Variants in ANKFN1 observed in about 807,000 individuals in gnomAD.
ANKFN1 encodes the protein ankyrin repeat and fibronectin type-III domain-containing protein 1.
A neutral mutation model predicts 108.7 loss-of-function variants in ANKFN1; 74 were observed. The ratio of observed to expected loss-of-function variants is 0.68; its 90% CI spans 0.56 to 0.83. The LOEUF (loss-of-function observed/expected upper bound fraction) is 0.83, where lower values mean the gene tolerates loss of function less well. Ranked by LOEUF, ANKFN1 falls within the 40% of genes least tolerant of loss-of-function variation. The pLI, the probability that ANKFN1 is intolerant of heterozygous loss-of-function variation, is 0.00. For missense variants in ANKFN1, 1,505 were observed against 1,382.3 expected (o/e 1.09, Z -1.41); for synonymous variants, 547 against 516.2 (o/e 1.06, Z -0.81).
At chr17:56,270,755 G>T (rs1210236149) in intron 3 of ANKFN1, among the ~76,000 whole-genome samples, 1 of 152,128 alleles carries the variant, frequency 6.6e-6, no homozygotes, top group Admixed American at 6.5e-5. Flanking sequence ...TCTCTAACTT[G>T]AACATGTCCA....
chr17:56,279,447 C>T (rs570906556), intron 3 of ANKFN1, among the ~76,000 whole-genome samples: 3 of 152,308 alleles, frequency 2.0e-5, no homozygotes, highest in Admixed American at 2.0e-4. Flanking sequence ...CATAAGGCTT[C>T]AGGCTTCATA....
chr17:56,335,301 AC>A (rs1182740914), intron 4 of ANKFN1, among the ~76,000 whole-genome samples: 16 of 152,138 alleles, frequency 1.1e-4, no homozygotes, highest in African/African-American at 3.6e-4. Context: ...TCTATAAATT[AC>A]CTTGGGCAGT....
intron 4 of ANKFN1, among the ~76,000 whole-genome samples, chr17:56,072,687 G>A (rs927324805): frequency 2.0e-4 from 31 of 152,224 alleles, no homozygotes; most frequent in African/African-American, 7.2e-4. Context: ...CACTTTGAGT[G>A]TTTTCAGAAT....
rs185092786 is a variant in ANKFN1 at position 56,212,277 on chromosome 17, T to C, written c.-70-321T>C. Among the ~76,000 whole-genome samples the C allele has an allele frequency of 5.6e-4, 85 of 152,324 alleles. 3 individuals are homozygous for C. In the East Asian group the frequency reaches 0.014, roughly 26 times the overall value. On this transcript the variant is annotated intron_variant, in intron 1 of 20. Transcript: ENST00000682825. ...ATGCTGGATTTTGTCAAATGCTTTT[T>C]CTGTGTCTATTGAGATCACCATGTA...
rs1043649809 is a variant in ANKFN1, at chr17:56,170,626, G to C, written c.-71+17096G>C. Among the ~76,000 whole-genome samples the C allele has an allele frequency of 1.3e-5, 2 of 151,030 alleles. 1 individual carries two copies. The highest frequency in any genetic ancestry group is 2.9e-5 in the Non-Finnish European group (2 of 67,818). ...AAAAATACAAAAATTAGCCATGCAT[G>C]GTGGCGCGTGCCCATAGTCTCAGCC... On this transcript the variant is annotated intron_variant, in intron 1 of 20. Transcript: ENST00000682825.
intron 1 of ANKFN1, among the ~76,000 whole-genome samples, chr17:56,168,733 A>T (rs1411618257): frequency 6.6e-6 from 1 of 152,160 alleles, no homozygotes; most frequent in East Asian, 1.9e-4. Flanking sequence ...ATAAGCCTAT[A>T]TTTCATTATT....
At chr17:56,407,931 CTTTTTTTTTTT>C (rs761975892) in intron 8 of ANKFN1, among the ~76,000 whole-genome samples, 2 of 104,644 alleles carry the variant, frequency 1.9e-5, no homozygotes, top group East Asian at 6.1e-4. Context: ...TCTTTTTTAT[CTTTTTTTTTTT>C]TTTTTTTTTT....
chr17:56,112,186 A>G (rs1366086472), intron 4 of ANKFN1, among the ~76,000 whole-genome samples: 1 of 152,166 alleles, frequency 6.6e-6, no homozygotes, highest in East Asian at 1.9e-4. Context: ...CAGTCCAGGA[A>G]GAGTTATGCA....
intron 4 of ANKFN1, among the ~76,000 whole-genome samples, chr17:56,066,548 A>G (rs1905060307): frequency 6.6e-6 from 1 of 152,210 alleles, no homozygotes; most frequent in African/African-American, 2.4e-5. Context: ...TATTATTAAA[A>G]TTAATTTTAC....
chr17:56,239,589 G>A (rs1377294519), intron 3 of ANKFN1, among the ~76,000 whole-genome samples: 1 of 151,892 alleles, frequency 6.6e-6, no homozygotes, highest in Non-Finnish European at 1.5e-5. Flanking sequence ...TTCTCTCTGG[G>A]GCCTCATGGT....
chr17:56,343,615 T>C (rs2046020077), intron 4 of ANKFN1, among the ~76,000 whole-genome samples: 1 of 151,986 alleles, frequency 6.6e-6, no homozygotes, highest in Admixed American at 6.6e-5. Context: ...ATTGAGCCTG[T>C]TGATGCATAG....
intron 15 of ANKFN1, chr17:56,472,413 G>T (rs1175622184): frequency 6.6e-6 from 1 of 152,146 alleles, no homozygotes; most frequent in Non-Finnish European, 1.5e-5. Context: ...ACTACCTATT[G>T]TTCCTCTAAC....
intron 4 of ANKFN1, among the ~76,000 whole-genome samples, chr17:56,336,223 G>A (rs1421567066): frequency 6.6e-6 from 1 of 152,068 alleles, no homozygotes. Context: ...GATGATGCTG[G>A]CTTCATCATA....
At chr17:56,420,866 C>A (rs139634003) in intron 8 of ANKFN1, among the ~76,000 whole-genome samples, 13,595 of 151,992 alleles carry the variant, frequency 0.089, 725 homozygotes, top group African/African-American at 0.15. Context: ...CGCCACCGCG[C>A]CCGGCTAATT....
chr17:56,219,286 A>T (rs1015665801), intron 2 of ANKFN1, among the ~76,000 whole-genome samples: 1 of 151,718 alleles, frequency 6.6e-6, no homozygotes, highest in Non-Finnish European at 1.5e-5. Context: ...TCACTCCGTC[A>T]CCCAGGCTGG....
chr17:56,255,328 A>G (rs902027562), intron 3 of ANKFN1, among the ~76,000 whole-genome samples: 1 of 152,088 alleles, frequency 6.6e-6, no homozygotes, highest in African/African-American at 2.4e-5. Context: ...ATTCCTCCCT[A>G]TTTTGAGGCA....
intron 3 of ANKFN1, among the ~76,000 whole-genome samples, chr17:56,285,918 T>C (rs1287261153): frequency 3.3e-5 from 5 of 152,112 alleles, no homozygotes; most frequent in African/African-American, 1.2e-4. Context: ...CTTTGTAACA[T>C]AAATTTTAGT....
intron 4 of ANKFN1, among the ~76,000 whole-genome samples, chr17:56,346,295 T>G (rs1372876903): frequency 6.6e-6 from 1 of 152,160 alleles, no homozygotes; most frequent in Admixed American, 6.6e-5. Context: ...ACTATAGCCT[T>G]GTAGTATAGT....
chr17:56,362,521 C>T (rs571116444), intron 6 of ANKFN1, among the ~76,000 whole-genome samples: 9 of 152,272 alleles, frequency 5.9e-5, no homozygotes, highest in Middle Eastern at 6.8e-3. Flanking sequence ...CTTCAATATA[C>T]GGTGTTGGGA....
Sources: gnomAD v4.1 joint callset for allele counts (sites outside exome capture counted in the v4.1 genomes callset) on GRCh38, gnomAD v4.1.1 for gene constraint, MANE v1.5 for transcripts, NCBI Gene and HGNC (gene_info 2026-07-23, HGNC 2026-07-21) for gene names.